TMEM132D: variants seen among roughly 807,000 people sequenced by gnomAD.
TMEM132D encodes the protein mature OL transmembrane protein.
TMEM132D carries 21 observed loss-of-function variants against 62.3 expected under a neutral mutation model. The ratio of observed to expected loss-of-function variants is 0.34; its 90% CI spans 0.24 to 0.49. The LOEUF is 0.49. TMEM132D is among the 20% of genes least tolerant of loss of function. The pLI is 0.99. For missense variants in TMEM132D, 1,346 were observed against 1,402.8 expected (o/e 0.96, Z 0.65); for synonymous variants, 621 against 575.6 (o/e 1.08, Z -1.13).
At chr12:129,284,514 G>A (rs1260189540) in intron 4 of TMEM132D, among the ~76,000 whole-genome samples, 1 of 152,224 alleles carries the variant, frequency 6.6e-6, no homozygotes, top group Non-Finnish European at 1.5e-5. Context: ...TTCAGTGTAA[G>A]ATGGAATGGA....
intron 2 of TMEM132D, among the ~76,000 whole-genome samples, chr12:129,591,463 T>TGAAGCCG (rs1878188150): frequency 6.6e-6 from 1 of 152,144 alleles, no homozygotes; most frequent in East Asian, 1.9e-4. Flanking sequence ...CCATTCTTTC[T>TGAAGCCG]TTCTGAAAAT....
intron 1 of TMEM132D, among the ~76,000 whole-genome samples, chr12:129,761,063 C>T (rs1018586213): frequency 1.3e-5 from 2 of 151,906 alleles, no homozygotes; most frequent in Non-Finnish European, 2.9e-5. Flanking sequence ...GCGGGGTTTT[C>T]ATTCAGCAGC....
rs147554736 is a variant in TMEM132D at position 129,891,052 on chromosome 12, C to T, written c.79+12209G>A. 7.1e-3 allele frequency among the ~76,000 whole-genome samples: 1,081 copies of T among 152,160 alleles called. 16 individuals carry two copies. The highest frequency in any genetic ancestry group is 0.025 in the African/African-American group (1,034 of 41,510). On this transcript the variant is annotated intron_variant, in intron 1 of 8. Transcript: ENST00000422113. ...CCCTGACTGCTTGATAACAGCGACG[C>T]CCAAACAGCAGGTCCTAGAGGAGCC...
chr12:129,880,080 C>A (rs1874544458), intron 1 of TMEM132D, among the ~76,000 whole-genome samples: 1 of 151,832 alleles, frequency 6.6e-6, no homozygotes, highest in African/African-American at 2.4e-5. Flanking sequence ...CATGTTTAAA[C>A]TTCTAAAAAA....
intron 4 of TMEM132D, among the ~76,000 whole-genome samples, chr12:129,250,345 A>G (rs761719460): frequency 6.6e-6 from 1 of 152,236 alleles, no homozygotes; most frequent in Non-Finnish European, 1.5e-5. Flanking sequence ...ATCTGTTTCC[A>G]TTAAAGAGAA....
At chr12:129,370,941 A>T (rs1342050371) in intron 3 of TMEM132D, among the ~76,000 whole-genome samples, 1 of 152,210 alleles carries the variant, frequency 6.6e-6, no homozygotes, top group Non-Finnish European at 1.5e-5. Context: ...TAGATAGAAG[A>T]ACTATGTTTT....
At chr12:129,665,162 C>T (rs1259739143) in intron 2 of TMEM132D, among the ~76,000 whole-genome samples, 1 of 152,054 alleles carries the variant, frequency 6.6e-6, no homozygotes, top group African/African-American at 2.4e-5. Context: ...TCAAACTTAC[C>T]AGTGAGGTCC....
intron 1 of TMEM132D, among the ~76,000 whole-genome samples, chr12:129,810,665 T>TA (rs767985664): frequency 1.3e-5 from 2 of 151,980 alleles, no homozygotes; most frequent in South Asian, 2.1e-4. Context: ...AAATAAAAGT[T>TA]AAAAAAATCT....
At chr12:129,333,039 G>A (rs2135653011) in intron 4 of TMEM132D, among the ~76,000 whole-genome samples, 1 of 152,196 alleles carries the variant, frequency 6.6e-6, no homozygotes, top group South Asian at 2.1e-4. Flanking sequence ...AATAAAAAAA[G>A]ATTTATAACA....
At chr12:129,681,116 T>G (rs1235824684) in intron 2 of TMEM132D, among the ~76,000 whole-genome samples, 1 of 152,052 alleles carries the variant, frequency 6.6e-6, no homozygotes, top group African/African-American at 2.4e-5. Flanking sequence ...CACAGCAGGG[T>G]AAGGGTAGAA....
chr12:129,821,971 A>T (rs2137325838), intron 1 of TMEM132D, among the ~76,000 whole-genome samples: 1 of 152,306 alleles, frequency 6.6e-6, no homozygotes, highest in East Asian at 1.9e-4. Flanking sequence ...TATGCTGGGC[A>T]CCATGCTAGG....
At position 129,408,769 on chromosome 12, in the gene TMEM132D, T is replaced by A. The variant is rs536667267; in HGVS notation, c.1116-70952A>T. ...ATCTGTGTTTGCATATACACTCATG[T>A]GCACAAATGTGTGTTTGTGTGTCAT... On this transcript the variant is annotated intron_variant, in intron 3 of 8. Coordinates refer to ENST00000422113, the MANE Select transcript of TMEM132D (RefSeq NM_133448.3). 4.6e-5 allele frequency among the ~76,000 whole-genome samples: 7 copies of A among 152,324 alleles called. No individual in the cohort carries two copies. In the East Asian group the frequency reaches 1.3e-3, roughly 29 times the overall value.
intron 2 of TMEM132D, among the ~76,000 whole-genome samples, chr12:129,571,045 G>C (rs1215056105): frequency 1.3e-5 from 2 of 152,194 alleles, no homozygotes; most frequent in African/African-American, 4.8e-5. Flanking sequence ...CATGTTTGCT[G>C]TAATTAGACT....
intron 5 of TMEM132D, among the ~76,000 whole-genome samples, chr12:129,168,866 A>G (rs1271447788): frequency 1.3e-5 from 2 of 151,802 alleles, no homozygotes; most frequent in Non-Finnish European, 2.9e-5. Flanking sequence ...CTCTTCTCAA[A>G]CTCTACCCAA....
intron 1 of TMEM132D, among the ~76,000 whole-genome samples, chr12:129,716,456 T>C (rs1868577046): frequency 6.6e-6 from 1 of 152,172 alleles, no homozygotes; most frequent in African/African-American, 2.4e-5. Context: ...AATTAGAACA[T>C]GCGTCTCTTT....
intron 1 of TMEM132D, among the ~76,000 whole-genome samples, chr12:129,743,678 G>A (rs1019510733): frequency 3.9e-5 from 6 of 152,176 alleles, no homozygotes; most frequent in African/African-American, 1.4e-4. Flanking sequence ...TAGCTTACAT[G>A]GTGAGAGGGA....
At chr12:129,510,152 TAA>T (rs965492460) in intron 3 of TMEM132D, among the ~76,000 whole-genome samples, 2 of 152,218 alleles carry the variant, frequency 1.3e-5, no homozygotes, top group Non-Finnish European at 2.9e-5. Flanking sequence ...CTCTTTGGGA[TAA>T]AAGTCATTTT....
At chr12:129,357,369 A>AGGAAGGAG (rs1476477920) in intron 3 of TMEM132D, among the ~76,000 whole-genome samples, 3 of 150,200 alleles carry the variant, frequency 2.0e-5, no homozygotes, top group Admixed American at 6.6e-5. Flanking sequence ...CAAGAGAGAA[A>AGGAAGGAG]GGAAGGAGGG....
chr12:129,780,610 G>A (rs1404787810), intron 1 of TMEM132D, among the ~76,000 whole-genome samples: 2 of 152,114 alleles, frequency 1.3e-5, no homozygotes, highest in South Asian at 4.2e-4. Flanking sequence ...GGCTTTGAGG[G>A]CACTTGAGTT....
Sources: gnomAD v4.1 joint callset for allele counts (sites outside exome capture counted in the v4.1 genomes callset) on GRCh38, gnomAD v4.1.1 for gene constraint, MANE v1.5 for transcripts, NCBI Gene and HGNC (gene_info 2026-07-23, HGNC 2026-07-21) for gene names.